PACS1: variants seen among roughly 807,000 people sequenced by gnomAD.
PACS1 encodes the protein phosphofurin acidic cluster sorting protein 1.
Under a neutral mutation model 115.0 loss-of-function variants are expected in PACS1, and 24 were observed. The observed-to-expected ratio is 0.21, with a 90% CI of 0.15 to 0.29. The LOEUF is 0.29. Ranked by LOEUF, PACS1 falls within the 10% of genes least tolerant of loss-of-function variation. PACS1 has a pLI of 1.00. For synonymous variants in PACS1, 453 were observed against 504.5 expected (o/e 0.90, Z 1.37); for missense variants, 838 against 1,251.2 (o/e 0.67, Z 4.98).
chr11:66,140,856 G>GT (rs1858963685), intron 1 of PACS1, among the ~76,000 whole-genome samples: 1 of 151,910 alleles, frequency 6.6e-6, no homozygotes, highest in South Asian at 2.1e-4. Context: ...CCTTGATTTT[G>GT]TTTTTTCATG....
chr11:66,214,620 C>CTTTTTT (rs578031707), intron 4 of PACS1, among the ~76,000 whole-genome samples: 4 of 115,316 alleles, frequency 3.5e-5, no homozygotes, highest in Admixed American at 1.0e-4. Flanking sequence ...TTTTTCTTTT[C>CTTTTTT]TTTTTTTTTT....
In PACS1 at chr11:66,070,769, AC is replaced by A. The variant is rs1383567162; in HGVS notation, c.288del (p.Ala97ProfsTer5). On this transcript the variant is annotated frameshift_variant, in exon 1 of 24. Coordinates refer to ENST00000320580, the MANE Select transcript of PACS1 (RefSeq NM_018026.4). LOFTEE classifies it high-confidence loss of function. This position sits in a 1 kb window ranked among gnomAD's most constrained non-coding sequence, Gnocchi z 5.9. Reference sequence around the variant, plus strand: ...TCCCGGTGGCCCGGGGCCAGGCCGCACCCCCGCCCCGGTGCAGATGAACCTG... The same window carrying A: ...TCCCGGTGGCCCGGGGCCAGGCCGCACCCCGCCCCGGTGCAGATGAACCTG... ...APPGGPGPGR[T>X]PAPVQMNLYA... 2.0e-6 allele frequency: 3 copies of A among 1,536,622 alleles called. No homozygotes were observed. The highest frequency in any genetic ancestry group is 8.7e-7 in the Non-Finnish European group (1 of 1,149,014).
intron 1 of PACS1, chr11:66,121,109 T>C (rs1250582867): frequency 4.4e-6 from 2 of 455,162 alleles, no homozygotes; most frequent in South Asian, 1.6e-5. Context: ...ATGTGCTTAC[T>C]TTGTATCTCT....
chr11:66,106,996 C>T (rs1419867966), intron 1 of PACS1, among the ~76,000 whole-genome samples: 1 of 152,154 alleles, frequency 6.6e-6, no homozygotes, highest in Non-Finnish European at 1.5e-5. Flanking sequence ...AAACAAAGTA[C>T]TAAAGATTTT....
At position 66,237,100 on chromosome 11, in the gene PACS1, G is replaced by A. The variant is rs1275590285; in HGVS notation, c.2250+1160G>A. Reference sequence around the variant, plus strand: ...CACCCAGCTAATTTTTGTATTTTTAGTAGAGACGGGGTTTCACCATGTTGG... The same window carrying A: ...CACCCAGCTAATTTTTGTATTTTTAATAGAGACGGGGTTTCACCATGTTGG... On this transcript the variant is annotated intron_variant, in intron 19 of 23. Coordinates refer to ENST00000320580, the MANE Select transcript of PACS1 (RefSeq NM_018026.4). Among the ~76,000 whole-genome samples the A allele has an allele frequency of 5.9e-5, 9 of 152,234 alleles. No individual in the cohort carries two copies. The East Asian group carries it at 9.7e-4, about 16-fold the overall frequency.
chr11:66,083,957 A>G (rs187370568), intron 1 of PACS1: 2 of 152,324 alleles, frequency 1.3e-5, no homozygotes, highest in Non-Finnish European at 2.9e-5. Flanking sequence ...AAAGATACTT[A>G]TTGAGCACAC....
intron 1 of PACS1, among the ~76,000 whole-genome samples, chr11:66,178,944 C>T (rs1244888071): frequency 6.6e-6 from 1 of 152,206 alleles, no homozygotes; most frequent in African/African-American, 2.4e-5. Context: ...CACACTATCA[C>T]ACTTAAAGAA....
rs11819777 is a variant in PACS1, at chr11:66,157,206, A to G, written c.357-36280A>G. Among the ~76,000 whole-genome samples the G allele has an allele frequency of 7.3e-3, 1,107 of 152,302 alleles. 11 individuals are homozygous for G. The highest frequency in any genetic ancestry group is 0.025 in the African/African-American group (1,026 of 41,572). On this transcript the variant is annotated intron_variant, in intron 1 of 23. Transcript: ENST00000320580. Reference sequence around the variant, plus strand: ...TTCCTCCCTCCCCAACCCCACTAAAATGACAGTAAAGGAATTTTCTTTTAA... The same window carrying G: ...TTCCTCCCTCCCCAACCCCACTAAAGTGACAGTAAAGGAATTTTCTTTTAA...
chr11:66,172,084 A>G (rs568542330), intron 1 of PACS1, among the ~76,000 whole-genome samples: 85 of 152,334 alleles, frequency 5.6e-4, no homozygotes, highest in Middle Eastern at 6.8e-3. Flanking sequence ...ACTGTGCGTA[A>G]ATCAGACATT....
At chr11:66,151,970 C>T (rs921084264) in intron 1 of PACS1, among the ~76,000 whole-genome samples, 1 of 152,178 alleles carries the variant, frequency 6.6e-6, no homozygotes, top group African/African-American at 2.4e-5. Context: ...CAGTGGCTTA[C>T]ACCTATAATC....
intron 17 of PACS1, 118 bp downstream of exon 17, chr11:66,234,360 C>G: frequency 1.4e-6 from 1 of 734,490 alleles, no homozygotes; most frequent in Non-Finnish European, 2.5e-6. Flanking sequence ...CCTTCCCGGT[C>G]ACTCTGTCCA....
intron 7 of PACS1, among the ~76,000 whole-genome samples, chr11:66,219,025 G>T (rs565033070): frequency 4.6e-5 from 7 of 152,116 alleles, no homozygotes; most frequent in Non-Finnish European, 7.4e-5. Flanking sequence ...GCTGAGCTCT[G>T]TTCAAGTAGT....
chr11:66,111,374 TC>T (rs1412209736), intron 1 of PACS1, among the ~76,000 whole-genome samples: 6 of 152,238 alleles, frequency 3.9e-5, no homozygotes, highest in Non-Finnish European at 7.3e-5. Flanking sequence ...GTCTCTATAA[TC>T]CACTTCTTAG....
chr11:66,098,050 G>C (rs957829368), intron 1 of PACS1, among the ~76,000 whole-genome samples: 1 of 152,092 alleles, frequency 6.6e-6, no homozygotes, highest in South Asian at 2.1e-4. Flanking sequence ...GGTGGTGGGC[G>C]CCTGTAGTCC....
At chr11:66,175,282 A>C (rs1193554066) in intron 1 of PACS1, among the ~76,000 whole-genome samples, 1 of 151,928 alleles carries the variant, frequency 6.6e-6, no homozygotes. Flanking sequence ...TCTTTTTCTC[A>C]GGCAGCTTTT....
At chr11:66,111,056 T>G (rs1858176481) in intron 1 of PACS1, among the ~76,000 whole-genome samples, 1 of 152,176 alleles carries the variant, frequency 6.6e-6, no homozygotes, top group African/African-American at 2.4e-5. Flanking sequence ...GAGAAACATG[T>G]CATCATTGAG....
At chr11:66,090,399 AG>A (rs1011143815) in intron 1 of PACS1, among the ~76,000 whole-genome samples, 3 of 151,330 alleles carry the variant, frequency 2.0e-5, no homozygotes, top group African/African-American at 7.3e-5. Context: ...CAGCCTCGGA[AG>A]TAGCTGGGAC....
intron 1 of PACS1, among the ~76,000 whole-genome samples, chr11:66,133,742 C>T (rs1358556028): frequency 1.3e-5 from 2 of 152,126 alleles, no homozygotes; most frequent in Admixed American, 6.5e-5. Context: ...TGGCCTCAAG[C>T]GATCCTCCTA....
intron 1 of PACS1, among the ~76,000 whole-genome samples, chr11:66,113,050 A>C (rs1324127932): frequency 1.3e-5 from 2 of 152,204 alleles, no homozygotes; most frequent in African/African-American, 2.4e-5. Context: ...AGGATGGGAG[A>C]GGGTTGACTG....
Sources: allele counts gnomAD v4.1 joint callset (sites outside exome capture counted in the v4.1 genomes callset), GRCh38; gene constraint gnomAD v4.1.1; non-coding constraint Gnocchi (gnomAD v3.1); transcripts MANE v1.5; gene names NCBI Gene and HGNC (gene_info 2026-07-23, HGNC 2026-07-21).